CCDC3: variants seen among roughly 807,000 people sequenced by gnomAD.
The protein encoded by CCDC3 is coiled-coil domain-containing protein 3.
CCDC3 carries 24 observed loss-of-function variants against 21.4 expected under a neutral mutation model. The observed-to-expected ratio is 1.12, with a 90% CI of 0.81 to 1.58. CCDC3 has a LOEUF of 1.58. Among genes scored for constraint, CCDC3 ranks in the 40% most tolerant of loss-of-function variants. The pLI is 0.00. For synonymous variants in CCDC3, 186 were observed against 166.0 expected (o/e 1.12, Z -0.93); for missense variants, 425 against 360.9 (o/e 1.18, Z -1.44).
intron 2 of CCDC3, among the ~76,000 whole-genome samples, chr10:12,912,220 CATA>C (rs553991850): frequency 5.6e-4 from 85 of 152,290 alleles, no homozygotes; most frequent in South Asian, 5.2e-3. Flanking sequence ...TACAGTTTTC[CATA>C]ATTACTAATT....
At chr10:13,058,238 T>A (rs1836707791) in intron 4 of CCDC3, 1 of 1,345,156 alleles carries the variant, frequency 7.4e-7, no homozygotes, top group African/African-American at 1.4e-5. Context: ...AAGGCCTGCA[T>A]CCAAATAGCA....
chr10:12,939,057 G>C (rs949044119), intron 2 of CCDC3, among the ~76,000 whole-genome samples: 1 of 152,184 alleles, frequency 6.6e-6, no homozygotes, highest in African/African-American at 2.4e-5. Flanking sequence ...AGAATCTCCA[G>C]CCTCAATTCT....
chr10:12,940,676 C>G (rs1209158893), intron 2 of CCDC3, among the ~76,000 whole-genome samples: 1 of 138,700 alleles, frequency 7.2e-6, no homozygotes, highest in African/African-American at 2.7e-5. Flanking sequence ...AGTAATAAGT[C>G]AATCATACGT....
chr10:12,958,920 C>T (rs1835135988), intron 2 of CCDC3, among the ~76,000 whole-genome samples: 1 of 152,170 alleles, frequency 6.6e-6, no homozygotes, highest in Non-Finnish European at 1.5e-5. Flanking sequence ...GGGAGAGACG[C>T]AGTTCTAATT....
chr10:12,900,522 C>CAAAAAAAAAA (rs10716235), intron 2 of CCDC3, among the ~76,000 whole-genome samples: 16 of 75,852 alleles, frequency 2.1e-4, no homozygotes, highest in Admixed American at 3.5e-4. Flanking sequence ...ACTAAAAATA[C>CAAAAAAAAAA]AAAAAAAAAA....
intron 2 of CCDC3, among the ~76,000 whole-genome samples, chr10:12,916,205 G>A (rs528350336): frequency 2.4e-4 from 36 of 152,280 alleles, no homozygotes; most frequent in South Asian, 4.1e-4. Flanking sequence ...AGGCCAAGGT[G>A]GGCGGATCAC....
At chr10:12,921,227 G>T (rs1012356521) in intron 2 of CCDC3, among the ~76,000 whole-genome samples, 4 of 152,208 alleles carry the variant, frequency 2.6e-5, no homozygotes, top group Admixed American at 2.6e-4. Context: ...GAGGAAGGAT[G>T]TCAGTCCGAG....
At chr10:12,937,498 T>C (rs1025446491) in intron 2 of CCDC3, among the ~76,000 whole-genome samples, 3 of 152,132 alleles carry the variant, frequency 2.0e-5, no homozygotes, top group Admixed American at 2.0e-4. Context: ...GTCTCAACTC[T>C]GTCACCCAAG....
intron 2 of CCDC3, among the ~76,000 whole-genome samples, chr10:12,912,161 T>C (rs1221620598): frequency 6.6e-6 from 1 of 152,214 alleles, no homozygotes; most frequent in African/African-American, 2.4e-5. Flanking sequence ...AGTAGTGGGA[T>C]TGCTGGATCA....
chr10:13,077,095 G>T (rs1836973976), intron 3 of CCDC3, among the ~76,000 whole-genome samples: 1 of 152,142 alleles, frequency 6.6e-6, no homozygotes, highest in African/African-American at 2.4e-5. Flanking sequence ...TGACATCATT[G>T]TATATTTAGA....
At chr10:12,950,967 C>A (rs1834998311) in intron 2 of CCDC3, among the ~76,000 whole-genome samples, 1 of 152,178 alleles carries the variant, frequency 6.6e-6, no homozygotes, top group Non-Finnish European at 1.5e-5. Flanking sequence ...GTCTGTCTGG[C>A]CTTCCTCGAT....
intron 3 of CCDC3, among the ~76,000 whole-genome samples, chr10:13,086,972 C>T (rs1220118744): frequency 6.6e-6 from 1 of 152,238 alleles, no homozygotes; most frequent in Non-Finnish European, 1.5e-5. Flanking sequence ...GAAGCCCACA[C>T]ACCTGTTGCA....
chr10:13,005,372 C>A (rs1835914398), upstream of CCDC3, among the ~76,000 whole-genome samples: 1 of 152,208 alleles, frequency 6.6e-6, no homozygotes, highest in Non-Finnish European at 1.5e-5. Flanking sequence ...TTGCTTGCAC[C>A]ATCTGGACCT....
At chr10:13,000,068 A>C (rs1381311331) in intron 1 of CCDC3, among the ~76,000 whole-genome samples, 1 of 152,232 alleles carries the variant, frequency 6.6e-6, no homozygotes, top group African/African-American at 2.4e-5. Context: ...CACTTTGTAG[A>C]ACTGTTTTCT....
chr10:12,948,710 G>A (rs1834960737), intron 2 of CCDC3, among the ~76,000 whole-genome samples: 1 of 142,944 alleles, frequency 7.0e-6, no homozygotes, highest in Admixed American at 7.1e-5. Context: ...AAAAATTTAA[G>A]TCCTCATTTT....
chr10:12,944,393 A>G (rs1028947019), intron 2 of CCDC3, among the ~76,000 whole-genome samples: 1 of 152,232 alleles, frequency 6.6e-6, no homozygotes, highest in Admixed American at 6.5e-5. Context: ...TTCTTCAGGC[A>G]GAGCTTAACT....
chr10:13,074,149 ATATAT>A (rs1353133359), intron 3 of CCDC3: 36 of 50,312 alleles, frequency 7.2e-4, no homozygotes, highest in East Asian at 5.6e-3. Flanking sequence ...ATATATATAT[ATATAT>A]TTTTTTTTTT....
chr10:13,080,991 C>A (rs1045920226), intron 3 of CCDC3, among the ~76,000 whole-genome samples: 2 of 152,196 alleles, frequency 1.3e-5, no homozygotes, highest in African/African-American at 2.4e-5. Context: ...ACCAGGTCCC[C>A]TAGGCAACAC....
At chr10:12,977,336 A>G (rs1238763227) in intron 2 of CCDC3, among the ~76,000 whole-genome samples, 3 of 152,134 alleles carry the variant, frequency 2.0e-5, no homozygotes, top group African/African-American at 7.2e-5. Flanking sequence ...AAAAGAAAAG[A>G]AAGAAAAGAA....
Sources: gnomAD v4.1 joint callset for allele counts (sites outside exome capture counted in the v4.1 genomes callset) on GRCh38, gnomAD v4.1.1 for gene constraint, MANE v1.5 for transcripts, NCBI Gene and HGNC (gene_info 2026-07-23, HGNC 2026-07-21) for gene names.